The following RGL1 variants were observed in gnomAD, a reference collection of about 807,000 sequenced individuals.
RGL1 encodes the protein ral guanine nucleotide dissociation stimulator-like 1.
Under a neutral mutation model 95.2 loss-of-function variants are expected in RGL1, and 24 were observed. That is an observed-to-expected ratio of 0.25 (90% CI 0.18 to 0.35). The LOEUF (loss-of-function observed/expected upper bound fraction) is 0.35, where lower values mean the gene tolerates loss of function less well. RGL1 is among the 10% of genes least tolerant of loss of function. The probability of loss-of-function intolerance (pLI) is 1.00; values close to 1 mark genes in which losing one functional copy is unlikely to be tolerated. For synonymous variants in RGL1, 329 were observed against 344.9 expected, an observed-to-expected ratio of 0.95 and a Z score of 0.51; for missense variants, 715 against 936.3, an observed-to-expected ratio of 0.76 and a Z score of 3.08.
chr1:183,852,976 A>G (rs1321538404), intron 3 of RGL1, among the ~76,000 whole-genome samples: 1 of 152,194 alleles, frequency 6.6e-6, no homozygotes, highest in Non-Finnish European at 1.5e-5. Flanking sequence ...AGCTGTCACA[A>G]TAGCTCCCTT....
At chr1:183,716,747 CT>C (rs1317654433) in intron 1 of RGL1, among the ~76,000 whole-genome samples, 1 of 152,222 alleles carries the variant, frequency 6.6e-6, no homozygotes, top group Non-Finnish European at 1.5e-5. Context: ...GGCTGGTGAT[CT>C]TTTCTTGTCT....
chr1:183,752,334 C>T (rs1296049499), intron 2 of RGL1, among the ~76,000 whole-genome samples: 1 of 151,960 alleles, frequency 6.6e-6, no homozygotes, highest in East Asian at 1.9e-4. Context: ...TCAAGCGATT[C>T]TCCTGCCTCA....
At chr1:183,912,037 C>T in intron 14 of RGL1, 45 bp from the exon 15 acceptor site, 8 of 1,566,252 alleles carry the variant, frequency 5.1e-6, no homozygotes, top group South Asian at 1.1e-5. Context: ...TCATGGATTC[C>T]AGATTTGTAA....
intron 9 of RGL1, among the ~76,000 whole-genome samples, chr1:183,896,243 G>T (rs552886992): frequency 5.9e-5 from 9 of 152,162 alleles, no homozygotes; most frequent in Non-Finnish European, 1.2e-4. Flanking sequence ...TAGAGGTGGG[G>T]TCTCACTATG....
intron 9 of RGL1, among the ~76,000 whole-genome samples, chr1:183,896,612 C>T (rs1337979372): frequency 6.6e-6 from 1 of 152,092 alleles, no homozygotes; most frequent in East Asian, 1.9e-4. Context: ...TATGGTAATA[C>T]ATAAATCTCA....
intron 2 of RGL1, among the ~76,000 whole-genome samples, chr1:183,844,638 T>C (rs1417437822): frequency 6.6e-6 from 1 of 152,234 alleles, no homozygotes; most frequent in African/African-American, 2.4e-5. Context: ...ATTAATAACA[T>C]GTAGAATTCT....
chr1:183,887,530 GGGCC>G (rs1667188816), intron 7 of RGL1, among the ~76,000 whole-genome samples: 1 of 152,094 alleles, frequency 6.6e-6, no homozygotes, highest in Non-Finnish European at 1.5e-5. Flanking sequence ...TGTAAACACT[GGGCC>G]TAGTACGCTG....
chr1:183,911,993 T>A, intron 14 of RGL1, 89 bp from the exon 15 acceptor site: 1 of 1,140,398 alleles, frequency 8.8e-7, no homozygotes, highest in Non-Finnish European at 1.3e-6. Flanking sequence ...TGAAAAAACA[T>A]CAAGGGCTTA....
intron 4 of RGL1, among the ~76,000 whole-genome samples, chr1:183,870,376 GGTAGGT>G: frequency 8.5e-6 from 1 of 117,646 alleles, no homozygotes; most frequent in Non-Finnish European, 1.9e-5. Flanking sequence ...TTCCGGCCAG[GGTAGGT>G]GTCTTCCGGC....
chr1:183,824,058 G>C (rs1353338098), intron 2 of RGL1, among the ~76,000 whole-genome samples: 1 of 151,756 alleles, frequency 6.6e-6, no homozygotes, highest in African/African-American at 2.4e-5. Context: ...AAGGTGTTGG[G>C]ATTATGGGCA....
intron 16 of RGL1, among the ~76,000 whole-genome samples, chr1:183,921,534 C>G (rs1038180605): frequency 1.2e-4 from 19 of 152,314 alleles, no homozygotes; most frequent in African/African-American, 4.3e-4. Context: ...TTGTGAGATT[C>G]ACCTGCATTG....
intron 2 of RGL1, among the ~76,000 whole-genome samples, chr1:183,775,878 G>A (rs1659564804): frequency 6.6e-6 from 1 of 152,122 alleles, no homozygotes; most frequent in South Asian, 2.1e-4. Flanking sequence ...GTTAACATAT[G>A]TTAATTCCAG....
At chr1:183,800,022 G>A (rs1239400271) in intron 2 of RGL1, among the ~76,000 whole-genome samples, 2 of 152,138 alleles carry the variant, frequency 1.3e-5, no homozygotes, top group Non-Finnish European at 2.9e-5. Context: ...AGAGACAAAT[G>A]AGAAAAATAA....
chr1:183,856,247 C>A (rs1665133388), intron 3 of RGL1, among the ~76,000 whole-genome samples: 1 of 150,974 alleles, frequency 6.6e-6, no homozygotes, highest in Admixed American at 6.6e-5. Context: ...ACTTCCTAGG[C>A]AAAAAAACCC....
At chr1:183,725,333 T>C (rs537684341) in intron 1 of RGL1, among the ~76,000 whole-genome samples, 32 of 152,300 alleles carry the variant, frequency 2.1e-4, no homozygotes, top group African/African-American at 7.2e-4. Flanking sequence ...AGAGGTTTAA[T>C]TGACGGTTCT....
intron 2 of RGL1, among the ~76,000 whole-genome samples, chr1:183,817,329 T>C (rs1662155212): frequency 1.3e-5 from 2 of 152,236 alleles, no homozygotes; most frequent in African/African-American, 4.8e-5. Flanking sequence ...GCAGTGTTCC[T>C]GGCCTCCCTG....
chr1:183,742,013 T>C, intron 1 of RGL1: 2 of 723,756 alleles, frequency 2.8e-6, no homozygotes, highest in Non-Finnish European at 4.5e-6. Flanking sequence ...CCTATTATGA[T>C]ACTGTCTTTA....
chr1:183,911,954 T>A (rs1668664961), intron 14 of RGL1, 128 bp from the exon 15 acceptor site: 1 of 774,804 alleles, frequency 1.3e-6, no homozygotes, highest in Non-Finnish European at 2.1e-6. Flanking sequence ...AATGTCCTCC[T>A]AAAATAATAA....
intron 1 of RGL1, among the ~76,000 whole-genome samples, chr1:183,687,805 A>G (rs1013467964): frequency 2.0e-5 from 3 of 152,202 alleles, no homozygotes; most frequent in Admixed American, 6.6e-5. Flanking sequence ...CCAATGAATA[A>G]ATTTTTAAAA....
Sources: allele counts gnomAD v4.1 joint callset (sites outside exome capture counted in the v4.1 genomes callset), GRCh38; gene constraint gnomAD v4.1.1; transcripts MANE v1.5; gene names NCBI Gene and HGNC (gene_info 2026-07-23, HGNC 2026-07-21).